Variants in SEMA6D observed in about 807,000 individuals in gnomAD.
SEMA6D encodes semaphorin-6D.
Under a neutral mutation model 106.6 loss-of-function variants are expected in SEMA6D, and 35 were observed. The observed-to-expected ratio is 0.33, with a 90% CI of 0.25 to 0.44. The LOEUF (loss-of-function observed/expected upper bound fraction) is 0.44. SEMA6D is among the 20% of genes least tolerant of loss of function. The probability of loss-of-function intolerance (pLI) is 1.00; values close to 1 mark genes in which losing one functional copy is unlikely to be tolerated. For synonymous variants in SEMA6D, 499 were observed against 487.7 expected (o/e 1.02, Z -0.31); for missense variants, 1,185 against 1,345.9 (o/e 0.88, Z 1.87).
chr15:47,288,340 G>A (rs978044401), intron 1 of SEMA6D, among the ~76,000 whole-genome samples: 1 of 152,166 alleles, frequency 6.6e-6, no homozygotes. Flanking sequence ...TGTGGTGGAG[G>A]GGAAAGGTGA....
At chr15:47,722,052 A>G (rs1429335095) in intron 1 of SEMA6D, among the ~76,000 whole-genome samples, 1 of 152,120 alleles carries the variant, frequency 6.6e-6, no homozygotes, top group Non-Finnish European at 1.5e-5. Context: ...GGAAGTTTCC[A>G]TTGTTTGGCA....
chr15:47,646,389 A>C (rs2077583182), intron 4 of SEMA6D, among the ~76,000 whole-genome samples: 1 of 152,236 alleles, frequency 6.6e-6, no homozygotes, highest in African/African-American at 2.4e-5. Flanking sequence ...GTGCCTACCT[A>C]GACATGAGAA....
intron 1 of SEMA6D, among the ~76,000 whole-genome samples, chr15:47,248,970 G>A (rs1490242592): frequency 6.6e-6 from 1 of 152,180 alleles, no homozygotes; most frequent in African/African-American, 2.4e-5. Context: ...GCTCACACCT[G>A]TAATCCTAGC....
chr15:47,518,386 C>T (rs746812732), intron 3 of SEMA6D, among the ~76,000 whole-genome samples: 5 of 152,034 alleles, frequency 3.3e-5, no homozygotes, highest in Admixed American at 6.5e-5. Context: ...TTCTTTTAGA[C>T]AAAAAATTGA....
chr15:47,355,360 C>T (rs1777726522), intron 1 of SEMA6D, among the ~76,000 whole-genome samples: 1 of 152,118 alleles, frequency 6.6e-6, no homozygotes, highest in Admixed American at 6.6e-5. Flanking sequence ...TATTATTTTT[C>T]TTCTGTTTCT....
intron 1 of SEMA6D, among the ~76,000 whole-genome samples, chr15:47,406,838 G>C (rs986885880): frequency 1.3e-5 from 2 of 150,854 alleles, no homozygotes; most frequent in Non-Finnish European, 2.9e-5. Context: ...ATGTTAATTA[G>C]CTTGATTGTG....
chr15:47,769,669 A>G (rs2082528285), intron 18 of SEMA6D, among the ~76,000 whole-genome samples: 1 of 152,196 alleles, frequency 6.6e-6, no homozygotes, highest in African/African-American at 2.4e-5. Flanking sequence ...TATAGCATGT[A>G]ACAGACTTGA....
chr15:47,471,931 T>TCACACACACACACACACA (rs1168586101), intron 3 of SEMA6D, among the ~76,000 whole-genome samples: 1 of 121,436 alleles, frequency 8.2e-6, no homozygotes, highest in Admixed American at 8.4e-5. Flanking sequence ...TCTCTCTCTC[T>TCACACACACACACACACA]CACACACACA....
chr15:47,207,127 T>G (rs1376833197), intron 1 of SEMA6D, among the ~76,000 whole-genome samples: 1 of 152,138 alleles, frequency 6.6e-6, no homozygotes, highest in Non-Finnish European at 1.5e-5. Context: ...TCAATTCACT[T>G]GAGGGTCCTA....
chr15:47,221,132 T>C (rs891102576), intron 1 of SEMA6D, among the ~76,000 whole-genome samples: 1 of 152,180 alleles, frequency 6.6e-6, no homozygotes, highest in Admixed American at 6.5e-5. Flanking sequence ...CTGTGCCCCC[T>C]GACTTTTTAT....
chr15:47,201,916 T>G (rs1397789843), intron 1 of SEMA6D, among the ~76,000 whole-genome samples: 2 of 152,094 alleles, frequency 1.3e-5, no homozygotes, highest in African/African-American at 2.4e-5. Flanking sequence ...ACACTTTGCC[T>G]AATAAAAAAC....
At chr15:47,737,981 G>A (rs1266892866) in intron 1 of SEMA6D, among the ~76,000 whole-genome samples, 1 of 151,020 alleles carries the variant, frequency 6.6e-6, no homozygotes, top group Admixed American at 6.6e-5. Flanking sequence ...GTAAAGTTGT[G>A]TCTCCTTCGT....
chr15:47,439,345 C>T (rs896176688), intron 2 of SEMA6D, among the ~76,000 whole-genome samples: 5 of 152,040 alleles, frequency 3.3e-5, no homozygotes, highest in Non-Finnish European at 5.9e-5. Flanking sequence ...TTACAGTCTC[C>T]GTATTTATAC....
intron 3 of SEMA6D, among the ~76,000 whole-genome samples, chr15:47,498,680 T>C (rs1227063143): frequency 6.6e-6 from 1 of 152,168 alleles, no homozygotes; most frequent in African/African-American, 2.4e-5. Flanking sequence ...TCAAAATATA[T>C]GTTATAAATT....
intron 3 of SEMA6D, among the ~76,000 whole-genome samples, chr15:47,599,122 GC>G (rs1019842772): frequency 2.4e-4 from 36 of 152,170 alleles, no homozygotes; most frequent in African/African-American, 8.4e-4. Flanking sequence ...TCAGGAATCT[GC>G]ATTGTTAATA....
At chr15:47,340,722 T>C (rs1192198789) in intron 1 of SEMA6D, among the ~76,000 whole-genome samples, 1 of 152,146 alleles carries the variant, frequency 6.6e-6, no homozygotes, top group Non-Finnish European at 1.5e-5. Flanking sequence ...AGCCCCAGGC[T>C]TAAAATAAAC....
chr15:47,597,918 TATA>T (rs1269041788), intron 3 of SEMA6D, among the ~76,000 whole-genome samples: 1 of 150,724 alleles, frequency 6.6e-6, no homozygotes, highest in African/African-American at 2.4e-5. Context: ...TGTATGTAAT[TATA>T]ATGTGTCAAA....
upstream of SEMA6D, among the ~76,000 whole-genome samples, chr15:47,715,350 T>TC (rs2079090857): frequency 6.6e-6 from 1 of 152,202 alleles, no homozygotes; most frequent in Admixed American, 6.5e-5. Flanking sequence ...CAATGGTAGC[T>TC]GCATAAAGAG....
intron 3 of SEMA6D, among the ~76,000 whole-genome samples, chr15:47,506,646 C>T (rs1366697966): frequency 6.8e-6 from 1 of 147,882 alleles, no homozygotes. Context: ...TTATCGACTG[C>T]CTTGCTCATC....
Sources: allele counts gnomAD v4.1 joint callset (sites outside exome capture counted in the v4.1 genomes callset), GRCh38; gene constraint gnomAD v4.1.1; transcripts MANE v1.5; gene names NCBI Gene and HGNC (gene_info 2026-07-23, HGNC 2026-07-21).